Variants in TMTC2 observed in about 807,000 individuals in gnomAD.
TMTC2 encodes the protein protein O-mannosyl-transferase TMTC2.
A neutral mutation model predicts 82.4 loss-of-function variants in TMTC2; 43 were observed. The ratio of observed to expected loss-of-function variants is 0.52; its 90% CI spans 0.41 to 0.67. The LOEUF is 0.67. TMTC2 is among the 30% of genes least tolerant of loss of function. The probability of loss-of-function intolerance (pLI) is 0.00; values close to 1 mark genes in which losing one functional copy is unlikely to be tolerated. For synonymous variants in TMTC2, 408 were observed against 381.9 expected (o/e 1.07, Z -0.80); for missense variants, 919 against 1,012.4 (o/e 0.91, Z 1.25).
At chr12:82,713,224 G>A (rs1478929369) in intron 1 of TMTC2, among the ~76,000 whole-genome samples, 1 of 152,020 alleles carries the variant, frequency 6.6e-6, no homozygotes, top group Non-Finnish European at 1.5e-5. Flanking sequence ...GGGAGGCTGA[G>A]ACAGGAGAAT....
At chr12:83,021,621 G>A (rs187864915) in intron 8 of TMTC2, among the ~76,000 whole-genome samples, 14 of 151,910 alleles carry the variant, frequency 9.2e-5, no homozygotes, top group African/African-American at 3.4e-4. Flanking sequence ...TTAATGTAGA[G>A]TCATCTTTGA....
intron 1 of TMTC2, among the ~76,000 whole-genome samples, chr12:82,846,052 C>T (rs1195031553): frequency 2.0e-5 from 3 of 151,808 alleles, no homozygotes; most frequent in Admixed American, 1.3e-4. Flanking sequence ...TCTACTTCCT[C>T]ATTTTCTCCT....
At chr12:82,688,494 C>T (rs1464212229) in intron 1 of TMTC2, among the ~76,000 whole-genome samples, 2 of 152,174 alleles carry the variant, frequency 1.3e-5, no homozygotes, top group African/African-American at 4.8e-5. Flanking sequence ...GGTGTCTCTT[C>T]CTATCTTTTA....
At chr12:82,997,433 C>G (rs114386559) in intron 8 of TMTC2, among the ~76,000 whole-genome samples, 10,922 of 54,914 alleles carry the variant, frequency 0.2, 1,196 homozygotes, top group African/African-American at 0.34. Flanking sequence ...TATATACACA[C>G]AGAGAGAGAG....
intron 7 of TMTC2, among the ~76,000 whole-genome samples, chr12:82,976,434 C>A (rs1878679187): frequency 1.3e-5 from 2 of 151,864 alleles, no homozygotes; most frequent in African/African-American, 4.8e-5. Flanking sequence ...CATGTCTTTC[C>A]TGTGTTTGCT....
chr12:82,798,102 C>G (rs1425159042), intron 1 of TMTC2, among the ~76,000 whole-genome samples: 1 of 150,730 alleles, frequency 6.6e-6, no homozygotes, highest in Admixed American at 6.6e-5. Flanking sequence ...GCTACAAGCA[C>G]CTGCCAGGAC....
chr12:83,095,218 GTTTT>G (rs577622810), intron 11 of TMTC2, among the ~76,000 whole-genome samples: 1 of 139,428 alleles, frequency 7.2e-6, no homozygotes, highest in Non-Finnish European at 1.6e-5. Flanking sequence ...AAATTTCATG[GTTTT>G]TTTTTTTGTT....
chr12:82,987,436 GA>G (rs1471658678), intron 8 of TMTC2, among the ~76,000 whole-genome samples: 1 of 117,950 alleles, frequency 8.5e-6, no homozygotes, highest in Non-Finnish European at 1.8e-5. Context: ...AAAAAAAAAA[GA>G]GAAAAAAAAA....
At chr12:82,983,671 C>A (rs1049792165) in intron 7 of TMTC2, among the ~76,000 whole-genome samples, 8 of 151,930 alleles carry the variant, frequency 5.3e-5, no homozygotes, top group African/African-American at 1.9e-4. Flanking sequence ...ATATTAAATA[C>A]AATGGTTGTA....
chr12:82,900,565 A>G (rs981502544), intron 3 of TMTC2, among the ~76,000 whole-genome samples: 1 of 137,404 alleles, frequency 7.3e-6, no homozygotes, highest in South Asian at 2.3e-4. Context: ...ATATGTAGGA[A>G]TGTATATACA....
At chr12:83,024,847 A>G (rs1169997146) in intron 8 of TMTC2, among the ~76,000 whole-genome samples, 1 of 152,210 alleles carries the variant, frequency 6.6e-6, no homozygotes, top group East Asian at 1.9e-4. Context: ...GTAATTTACT[A>G]ATAACATGTA....
chr12:82,798,322 A>G (rs1304089409), intron 1 of TMTC2, among the ~76,000 whole-genome samples: 1 of 149,442 alleles, frequency 6.7e-6, no homozygotes, highest in Non-Finnish European at 1.5e-5. Flanking sequence ...CTGTAATCCC[A>G]GCACTTTGGG....
At chr12:82,790,705 T>C (rs565783359) in intron 1 of TMTC2, among the ~76,000 whole-genome samples, 4 of 151,512 alleles carry the variant, frequency 2.6e-5, no homozygotes, top group Admixed American at 2.0e-4. Context: ...TGCATGCCTG[T>C]AATCCCAGCT....
chr12:82,837,937 CA>C (rs1870139083), intron 1 of TMTC2, among the ~76,000 whole-genome samples: 1 of 152,134 alleles, frequency 6.6e-6, no homozygotes, highest in Non-Finnish European at 1.5e-5. Context: ...TTCGAAGATG[CA>C]ATTTTTTCAT....
At chr12:82,807,433 A>G (rs1342798319) in intron 1 of TMTC2, among the ~76,000 whole-genome samples, 1 of 152,096 alleles carries the variant, frequency 6.6e-6, no homozygotes, top group Admixed American at 6.6e-5. Flanking sequence ...TTTCATTTTC[A>G]TATCCTGTGT....
chr12:83,035,595 A>T (rs1023596957), intron 9 of TMTC2, among the ~76,000 whole-genome samples: 1 of 152,230 alleles, frequency 6.6e-6, no homozygotes, highest in African/African-American at 2.4e-5. Flanking sequence ...ATAATACAAC[A>T]TTGTGTATTT....
rs539748806 is a variant in TMTC2, at chr12:83,095,217, GGTTTTTTTTTTT to G, written c.2331+33408_2331+33419del. ...GGAAAGAGAAAAGCCAAAATTTCAT[GGTTTTTTTTTTT>G]GTTTTTTTTTTTGTTTTTTTTGTTT... On this transcript the variant is annotated intron_variant, in intron 11 of 11. Transcript: ENST00000321196. Among the ~76,000 whole-genome samples the G allele has an allele frequency of 7.1e-3, 1,028 of 143,838 alleles. 7 individuals carry two copies. Among genetic ancestry groups the G allele is most frequent in the Middle Eastern group, 0.011 (3 of 266 alleles). 94.4% of individuals were successfully genotyped at this position (143,838 alleles called of 152,430 possible). A position where few individuals can be genotyped will look rare whatever the true frequency, so the allele number is the denominator to read the frequency against.
chr12:82,812,345 A>AT (rs1189752208), intron 1 of TMTC2, among the ~76,000 whole-genome samples: 1 of 152,098 alleles, frequency 6.6e-6, no homozygotes, highest in Non-Finnish European at 1.5e-5. Flanking sequence ...TTCCTTGGGA[A>AT]TTAAAAAAAA....
chr12:83,104,323 C>A (rs995659450), intron 11 of TMTC2, among the ~76,000 whole-genome samples: 1 of 152,188 alleles, frequency 6.6e-6, no homozygotes, highest in Non-Finnish European at 1.5e-5. Flanking sequence ...CGGCTCCAAC[C>A]CAACATTTCC....
Sources: gnomAD v4.1 joint callset for allele counts (sites outside exome capture counted in the v4.1 genomes callset) on GRCh38, gnomAD v4.1.1 for gene constraint, MANE v1.5 for transcripts, NCBI Gene and HGNC (gene_info 2026-07-23, HGNC 2026-07-21) for gene names.